The following MAVS variants were observed in gnomAD, a reference collection of about 807,000 sequenced individuals.
MAVS encodes the protein mitochondrial antiviral-signaling protein.
Under a neutral mutation model 30.2 loss-of-function variants are expected in MAVS, and 20 were observed. That is an observed-to-expected ratio of 0.66 (90% CI 0.47 to 0.96). MAVS has a LOEUF of 0.96. MAVS is among the 40% of genes least tolerant of loss of function. The pLI is 0.00. For missense variants in MAVS, 624 were observed against 701.1 expected (o/e 0.89, Z 1.24); for synonymous variants, 278 against 293.9 (o/e 0.95, Z 0.55).
intron 3 of MAVS, among the ~76,000 whole-genome samples, chr20:3,859,729 GC>G (rs1191155361): frequency 2.6e-5 from 4 of 151,802 alleles, no homozygotes; most frequent in South Asian, 4.2e-4. Context: ...GACCCACGAG[GC>G]CCCCCCATAC....
intron 3 of MAVS, among the ~76,000 whole-genome samples, chr20:3,858,651 T>C (rs1470332044): frequency 2.5e-5 from 3 of 121,368 alleles, no homozygotes; most frequent in Non-Finnish European, 5.0e-5. Context: ...GGCGACAGAG[T>C]GGGATTCCAT....
intron 1 of MAVS, among the ~76,000 whole-genome samples, chr20:3,852,889 G>A (rs2089773644): frequency 6.8e-6 from 1 of 147,410 alleles, no homozygotes; most frequent in African/African-American, 2.5e-5. Flanking sequence ...GCCCAGGCTG[G>A]AGTGCAGTGG....
rs1028776471 is a variant in MAVS at position 3,862,392 on chromosome 20, C to A, written c.604C>A (p.Leu202Met). The change falls in exon 5 of 7, where the codon CTG becomes ATG. Residue 202 changes from leucine to methionine, a missense_variant. Transcript: ENST00000428216. Reference sequence around the variant, plus strand: ...CGGGCATCAGGAGCAGGACACAGAACTGGGCAGTACCCACACAGCAGGTAT... The same window carrying A: ...CGGGCATCAGGAGCAGGACACAGAAATGGGCAGTACCCACACAGCAGGTAT... ...SSGHQEQDTE[L>M]GSTHTAGATS... is the part of the protein sequence containing the mutation. 3.5e-5 allele frequency: 57 copies of A among 1,613,798 alleles called. No homozygotes were observed. The highest frequency in any genetic ancestry group is 4.7e-5 in the Non-Finnish European group (56 of 1,179,964).
rs1376592250 is a variant in MAVS at position 3,873,864 on chromosome 20, C to T, written c.*7717C>T. ...CCTGTTGGAAAACTGGCAGTATCTACCAAAAGCCGAACATACGTATAAACT... is the reference window on the plus strand; with the variant it reads ...CCTGTTGGAAAACTGGCAGTATCTATCAAAAGCCGAACATACGTATAAACT... On this transcript the variant is annotated 3_prime_UTR_variant, in exon 7 of 7. Coordinates refer to ENST00000428216, the MANE Select transcript of MAVS (RefSeq NM_020746.5). 2.8e-6 allele frequency: 1 copy of T among 352,042 alleles called. No individual in the cohort carries two copies. The highest frequency in any genetic ancestry group is 4.9e-6 in the Non-Finnish European group (1 of 203,944). The allele number at this position is 352,042 out of a possible 1,614,324, so 21.8% of individuals were successfully genotyped here. A position where few individuals can be genotyped will look rare whatever the true frequency, so the allele number is the denominator to read the frequency against.
rs1449269691 is a variant in MAVS, at chr20:3,866,536, G to T, written c.*389G>T. On this transcript the variant is annotated 3_prime_UTR_variant, in exon 7 of 7. Coordinates refer to ENST00000428216, the MANE Select transcript of MAVS (RefSeq NM_020746.5). ...GGTGCTTGGGAATGCCTCTCCTGTTGCATTGGTCCCTGAAGGCCTCAGGGC... is the reference window on the plus strand; with the variant it reads ...GGTGCTTGGGAATGCCTCTCCTGTTTCATTGGTCCCTGAAGGCCTCAGGGC... 2.7e-5 allele frequency: 9 copies of T among 338,366 alleles called. No homozygotes were observed. In the East Asian group the frequency reaches 6.5e-4, roughly 25 times the overall value. 21.0% of individuals were successfully genotyped at this position (338,366 alleles called of 1,614,324 possible).
At position 3,868,795 on chromosome 20, in the gene MAVS, CA is replaced by C. The variant is rs2089930099; in HGVS notation, c.*2649del. The stretch of plus-strand genomic sequence containing the variant: ...GGGAGGCTGAGGTGGGAAGATAAGT[CA>C]CTTGAGCCCGCCAGGAGGCGGAGGT... On this transcript the variant is annotated 3_prime_UTR_variant, in exon 7 of 7. Transcript: ENST00000428216. The C allele has an allele frequency of 6.6e-6, 1 of 151,832 alleles. No homozygotes were observed. Among genetic ancestry groups the C allele is most frequent in the African/African-American group, 2.4e-5 (1 of 41,324 alleles). 9.4% of individuals were successfully genotyped at this position (151,832 alleles called of 1,614,324 possible). A position where few individuals can be genotyped will look rare whatever the true frequency, so the allele number is the denominator to read the frequency against.
chr20:3,859,120 T>C (rs1369904306), intron 3 of MAVS, among the ~76,000 whole-genome samples: 1 of 134,500 alleles, frequency 7.4e-6, no homozygotes, highest in Non-Finnish European at 1.6e-5. Flanking sequence ...CTTTTTCCCT[T>C]CCTTGCTTTT....
intron 1 of MAVS, among the ~76,000 whole-genome samples, chr20:3,853,257 C>T (rs1244301117): frequency 1.3e-5 from 2 of 150,486 alleles, no homozygotes; most frequent in South Asian, 2.1e-4. Flanking sequence ...GAGGCCGAGG[C>T]GGGCGCATCA....
chr20:3,858,415 C>T (rs2146766526), intron 3 of MAVS, among the ~76,000 whole-genome samples: 1 of 152,244 alleles, frequency 6.6e-6, no homozygotes, highest in Middle Eastern at 3.4e-3. Context: ...CGCGGTGTTT[C>T]ACACCTGTAA....
chr20:3,864,214 G>T, intron 5 of MAVS, 42 bp from the exon 6 acceptor site: 3 of 1,569,418 alleles, frequency 1.9e-6, no homozygotes, highest in Non-Finnish European at 2.6e-6. Flanking sequence ...CAAGGTAATG[G>T]TCTTTGGGTC....
At chr20:3,853,417 C>T (rs1168728007) in intron 1 of MAVS, among the ~76,000 whole-genome samples, 1 of 149,852 alleles carries the variant, frequency 6.7e-6, no homozygotes, top group Non-Finnish European at 1.5e-5. Context: ...ACCCGAGAGG[C>T]GGAGCTTGCA....
intron 1 of MAVS, among the ~76,000 whole-genome samples, chr20:3,853,322 T>TA (rs1378225579): frequency 5.5e-4 from 83 of 149,810 alleles, no homozygotes; most frequent in African/African-American, 1.4e-3. Context: ...CCGTCTCTAC[T>TA]AAAATACAAA....
chr20:3,849,289 A>G (rs1208359296), intron 1 of MAVS, among the ~76,000 whole-genome samples: 4 of 150,742 alleles, frequency 2.7e-5, no homozygotes, highest in African/African-American at 9.8e-5. Flanking sequence ...AGCTCACTGC[A>G]ACCTCTGCCT....
At position 3,864,820 on chromosome 20, in the gene MAVS, GGCCC is replaced by G. The variant is rs1246522352; in HGVS notation, c.1158+33_1158+36del. 7 of 1,601,074 alleles carry G rather than the reference GGCCC, an allele frequency of 4.4e-6. No individual in the cohort carries two copies. The African/African-American group carries it at 8.0e-5, about 18-fold the overall frequency. ...CCTCGCCCTTCCTGGCAGGGATCCTGGCCCCTTCCCCCGGGACAGCTTGCCCACC... is the reference window on the plus strand; with the variant it reads ...CCTCGCCCTTCCTGGCAGGGATCCTGCTTCCCCCGGGACAGCTTGCCCACC... On this transcript the variant is annotated intron_variant, in intron 6 of 6. Transcript: ENST00000428216.
Position 3,866,678 on chromosome 20 carries a change from A to C in MAVS, c.*531A>C, listed in dbSNP as rs3746662. The C allele has an allele frequency of 0.18, 64,532 of 355,296 alleles. 7,126 individuals carry two copies. The highest frequency in any genetic ancestry group is 0.37 in the African/African-American group (17,431 of 46,724). The allele number at this position is 355,296 out of a possible 1,614,324, so 22.0% of individuals were successfully genotyped here. A position where few individuals can be genotyped will look rare whatever the true frequency, so the allele number is the denominator to read the frequency against. On this transcript the variant is annotated 3_prime_UTR_variant, in exon 7 of 7. Coordinates refer to ENST00000428216, the MANE Select transcript of MAVS (RefSeq NM_020746.5). ...AGGGTGGCTGCTCTCCAGGAGCCCAACTGCCTTGAGTTCCTGCCCCACTGG... is the reference window on the plus strand; with the variant it reads ...AGGGTGGCTGCTCTCCAGGAGCCCACCTGCCTTGAGTTCCTGCCCCACTGG...
At position 3,866,337 on chromosome 20, in the gene MAVS, C is replaced by T. The variant is rs983017520; in HGVS notation, c.*190C>T. ...CCTGAGAGCAGCATCTCTGTCCCCA[C>T]GGTGCCTTGTGTGGGTCCCCGTCCT... On this transcript the variant is annotated 3_prime_UTR_variant, in exon 7 of 7. Coordinates refer to ENST00000428216, the MANE Select transcript of MAVS (RefSeq NM_020746.5). The T allele has an allele frequency of 6.5e-6, 4 of 612,558 alleles. No homozygotes were observed. The highest frequency in any genetic ancestry group is 4.4e-5 in the South Asian group (2 of 45,436). 37.9% of individuals were successfully genotyped at this position (612,558 alleles called of 1,614,324 possible).
In MAVS at chr20:3,867,475, C is replaced by T. The variant is rs939717078; in HGVS notation, c.*1328C>T. On this transcript the variant is annotated 3_prime_UTR_variant, in exon 7 of 7. Transcript: ENST00000428216. Reference sequence around the variant, plus strand: ...TAGCCAGGCGTGGTGGTGCACCTGTCGTCTTAGCTACTTGGGAGGCTGAGG... The same window carrying T: ...TAGCCAGGCGTGGTGGTGCACCTGTTGTCTTAGCTACTTGGGAGGCTGAGG... 6 of 172,936 alleles carry T rather than the reference C, an allele frequency of 3.5e-5. No homozygotes were observed. In the East Asian group the frequency reaches 4.8e-4, roughly 14 times the overall value. 10.7% of individuals were successfully genotyped at this position (172,936 alleles called of 1,614,324 possible).
At position 3,865,836 on chromosome 20, in the gene MAVS, G is replaced by C; in HGVS notation, c.1312G>C (p.Asp438His). ...VDSPFSGCFEDLAISASTSLG... is the reference protein window; with the variant it reads ...VDSPFSGCFEHLAISASTSLG... ...CAGCCCGTTCTCGGGCTGCTTCGAG[G>C]ATCTTGCCATCAGTGCCAGCACCTC... Residue 438 changes from aspartate to histidine, a missense_variant, in exon 7 of 7, where the codon GAT becomes CAT. By Grantham distance (81) the Asp-to-His change is moderately conservative. Coordinates refer to ENST00000428216, the MANE Select transcript of MAVS (RefSeq NM_020746.5). This position sits in a 1 kb window ranked among gnomAD's most constrained non-coding sequence, Gnocchi z 4.7. 6.2e-7 allele frequency: 1 copy of C among 1,614,030 alleles called. No homozygotes were observed. Among genetic ancestry groups the C allele is most frequent in the East Asian group, 2.2e-5 (1 of 44,866 alleles).
chr20:3,874,108 T>C lies in MAVS; in HGVS notation c.*7961T>C, dbSNP rs2089974216. ...CAACGAATATGAATGAAAATATCGC[T>C]ATGCACAGCAACATGGATAAATTTC... On this transcript the variant is annotated 3_prime_UTR_variant, in exon 7 of 7. Transcript: ENST00000428216. The C allele has an allele frequency of 2.5e-6, 1 of 398,622 alleles. No homozygotes were observed. Among genetic ancestry groups the C allele is most frequent in the African/African-American group, 2.1e-5 (1 of 48,740 alleles). 24.7% of individuals were successfully genotyped at this position (398,622 alleles called of 1,614,324 possible). A position where few individuals can be genotyped will look rare whatever the true frequency, so the allele number is the denominator to read the frequency against.
Sources: gnomAD v4.1 joint callset for allele counts (sites outside exome capture counted in the v4.1 genomes callset) on GRCh38, gnomAD v4.1.1 for gene constraint, Gnocchi (gnomAD v3.1) non-coding constraint, MANE v1.5 for transcripts, NCBI Gene and HGNC (gene_info 2026-07-23, HGNC 2026-07-21) for gene names.